SCARF2: variants seen among roughly 807,000 people sequenced by gnomAD.
The protein encoded by SCARF2 is scavenger receptor class F member 2.
In SCARF2, 39 loss-of-function variants were observed where a neutral mutation model predicts 73.4. That is an observed-to-expected ratio of 0.53 (90% CI 0.41 to 0.69). SCARF2 has a LOEUF of 0.69. Among genes scored for constraint, SCARF2 ranks in the 30% least tolerant of loss-of-function variants. The pLI, the probability that SCARF2 is intolerant of heterozygous loss-of-function variation, is 0.00. For synonymous variants in SCARF2, 605 were observed against 590.0 expected (o/e 1.03, Z -0.37); for missense variants, 1,148 against 1,303.5 (o/e 0.88, Z 1.84).
chr22:20,430,290 A>G (rs1296483333), intron 6 of SCARF2, 139 bp downstream of exon 6: 2 of 1,071,914 alleles, frequency 1.9e-6, no homozygotes, highest in South Asian at 1.6e-5. Context: ...CAAAGAGCCT[A>G]CTGTCACTCC....
chr22:20,432,115 T>C lies in SCARF2; in HGVS notation c.174-127A>G. 5 of 956,896 alleles carry C rather than the reference T, an allele frequency of 5.2e-6. No homozygotes were observed. The South Asian group carries it at 6.9e-5, about 13-fold the overall frequency. 59.3% of individuals were successfully genotyped at this position (956,896 alleles called of 1,614,324 possible). A position where few individuals can be genotyped will look rare whatever the true frequency, so the allele number is the denominator to read the frequency against. On this transcript the variant is annotated intron_variant, in intron 1 of 10. Coordinates refer to ENST00000622235, the MANE Select transcript of SCARF2 (RefSeq NM_182895.5). ...TTGCGCTCCTGTCCTAGGGGGGTGGTTAATGAGGTCCTGCCAGGCAGTCGT... is the reference window on the plus strand; with the variant it reads ...TTGCGCTCCTGTCCTAGGGGGGTGGCTAATGAGGTCCTGCCAGGCAGTCGT...
chr22:20,425,524 C>T lies in SCARF2; in HGVS notation c.2452G>A (p.Ala818Thr). 7.4e-7 allele frequency: 1 copy of T among 1,348,642 alleles called. No homozygotes were observed. The highest frequency in any genetic ancestry group is 1.9e-5 in the South Asian group (1 of 53,660). The allele number at this position is 1,348,642 out of a possible 1,614,324, so 83.5% of individuals were successfully genotyped here. Reference sequence around the variant, plus strand: ...TTCTCAGGCCCCGGGGTTTCGGTCGCTGGGGGCGCGCGGGCGGGCGAGGCT... The same window carrying T: ...TTCTCAGGCCCCGGGGTTTCGGTCGTTGGGGGCGCGCGGGCGGGCGAGGCT... Reference protein sequence around the residue: ...PPASPARAPPATETPGPEKAA... With the variant: ...PPASPARAPPTTETPGPEKAA... The change falls in exon 11 of 11, where the codon GCG becomes ACG. Residue 818 changes from alanine to threonine, a missense_variant. Physicochemically the swap from Ala to Thr is moderately conservative, Grantham distance 58. Around this residue, in one of 5 missense-constraint regions of SCARF2, gnomAD observed 169 missense variants for 136.9 expected, o/e 1.23. Transcript: ENST00000622235. This position sits in a 1 kb window ranked among gnomAD's most constrained non-coding sequence, Gnocchi z 4.6.
chr22:20,427,583 C>T, intron 9 of SCARF2, 33 bp from the exon 10 acceptor site: 1 of 1,609,412 alleles, frequency 6.2e-7, no homozygotes, highest in South Asian at 1.1e-5. Context: ...TGCCAGGGGT[C>T]CACTCTGCCC....
intron 10 of SCARF2, 68 bp downstream of exon 10, chr22:20,427,330 C>G (rs773459416): frequency 1.3e-6 from 2 of 1,584,832 alleles, no homozygotes; most frequent in Non-Finnish European, 1.7e-6. Flanking sequence ...GTGTCCCACC[C>G]AGAACACAGC....
In SCARF2 at chr22:20,433,247, G is replaced by A. The variant is rs576427393; in HGVS notation, c.174-1259C>T. Reference sequence around the variant, plus strand: ...AGGGGCAGAGGAGGCTGAGAAGGAAGAGCCACCAAGGCTGCGGGATCCTAG... The same window carrying A: ...AGGGGCAGAGGAGGCTGAGAAGGAAAAGCCACCAAGGCTGCGGGATCCTAG... On this transcript the variant is annotated intron_variant, in intron 1 of 10. Coordinates refer to ENST00000622235, the MANE Select transcript of SCARF2 (RefSeq NM_182895.5). Among the ~76,000 whole-genome samples the A allele has an allele frequency of 1.2e-4, 18 of 152,318 alleles. No individual in the cohort carries two copies. In the South Asian group the frequency reaches 3.7e-3, roughly 32 times the overall value.
rs2146117992 is a variant in SCARF2, at chr22:20,425,344, A to G, written c.*31T>C. 7.4e-7 allele frequency: 1 copy of G among 1,360,452 alleles called. No homozygotes were observed. The highest frequency in any genetic ancestry group is 9.5e-7 in the Non-Finnish European group (1 of 1,049,964). 84.3% of individuals were successfully genotyped at this position (1,360,452 alleles called of 1,614,324 possible). ...GGTGGCGGGCGGCGCTGCGAAGCTG[A>G]GGGAGCTGCGCGCGGACGAGCCACA... On this transcript the variant is annotated 3_prime_UTR_variant, in exon 11 of 11. Coordinates refer to ENST00000622235, the MANE Select transcript of SCARF2 (RefSeq NM_182895.5). The surrounding 1 kb of genome is among the most constrained non-coding windows in gnomAD (Gnocchi z 4.6).
At chr22:20,427,660 C>A in intron 9 of SCARF2, 110 bp from the exon 10 acceptor site, 1 of 1,318,042 alleles carries the variant, frequency 7.6e-7, no homozygotes. Context: ...CAGCCCTATT[C>A]TTGGACTGCA....
At chr22:20,434,149 C>T (rs12483784) in intron 1 of SCARF2, among the ~76,000 whole-genome samples, 5 of 152,074 alleles carry the variant, frequency 3.3e-5, no homozygotes, top group African/African-American at 7.2e-5. Flanking sequence ...GTTTTTTTGC[C>T]GGGCGTGCTG....
chr22:20,425,592 T>TC lies in SCARF2; in HGVS notation c.2383dup (p.Glu795GlyfsTer31). On this transcript the variant is annotated frameshift_variant, in exon 11 of 11. Transcript: ENST00000622235. LOFTEE classifies it high-confidence loss of function. This position sits in a 1 kb window ranked among gnomAD's most constrained non-coding sequence, Gnocchi z 4.6. Reference sequence around the variant, plus strand: ...GGCTTTCTGTGGGGGCGCCGGCTTTTCCCTGGGGCCCTGCGCGCCCAGGGC... The same window carrying TC: ...GGCTTTCTGTGGGGGCGCCGGCTTTTCCCCTGGGGCCCTGCGCGCCCAGGGC... 7.5e-7 allele frequency: 1 copy of TC among 1,338,874 alleles called. No homozygotes were observed. Among genetic ancestry groups the TC allele is most frequent in the Non-Finnish European group, 9.5e-7 (1 of 1,048,706 alleles). 82.9% of individuals were successfully genotyped at this position (1,338,874 alleles called of 1,614,324 possible).
In SCARF2 at chr22:20,437,583, C is replaced by T. The variant is rs530805261; in HGVS notation, c.172G>A (p.Gly58Ser). The T allele has an allele frequency of 6.5e-5, 103 of 1,574,126 alleles. No homozygotes were observed. The African/African-American group carries it at 1.3e-3, about 20-fold the overall frequency. ...PRGRNVCRAPGSQVPTCCAGW... is the reference protein window; with the variant it reads ...PRGRNVCRAPSSQVPTCCAGW... ...TCCCCCAGCCAGGCCGGCTCCTACC[C>T]GGGAGCACGGCACACGTTGCGGCCG... Residue 58 changes from glycine (G) to serine (S), a missense_variant and splice_region_variant, in exon 1 of 11, where the codon GGC becomes AGC. Around this residue, in one of 5 missense-constraint regions of SCARF2, gnomAD observed 124 missense variants for 120.4 expected, o/e 1.03. Transcript: ENST00000622235.
Position 20,431,512 on chromosome 22 carries a change from G to C in SCARF2, c.360C>G (p.Pro120=), listed in dbSNP as rs778478280. Residue 120 remains proline, a synonymous_variant, in exon 4 of 11, where the codon CCC becomes CCG. Coordinates refer to ENST00000622235, the MANE Select transcript of SCARF2 (RefSeq NM_182895.5). ...GGCAGCTACACAGCTCCTTGCAGTC[G>C]GGGCCCCAGAACTGGCGCGGGCACT... ...DTKCPRQFWG[P]DCKELCSCHP... The C allele has an allele frequency of 7.0e-6, 11 of 1,577,374 alleles. No individual in the cohort carries two copies. The highest frequency in any genetic ancestry group is 6.9e-5 in the East Asian group (3 of 43,266).
At chr22:20,431,664 G>A (rs1178524473) in intron 3 of SCARF2, 81 bp downstream of exon 3, 8 of 1,530,408 alleles carry the variant, frequency 5.2e-6, no homozygotes, top group Middle Eastern at 2.3e-4. Flanking sequence ...AGGCGGATCC[G>A]ACCCCGCCCC....
chr22:20,436,418 C>G (rs1351243065), intron 1 of SCARF2, among the ~76,000 whole-genome samples: 1 of 152,074 alleles, frequency 6.6e-6, no homozygotes, highest in Non-Finnish European at 1.5e-5. Context: ...TTCCTGGGGC[C>G]GGGGAGGCCC....
chr22:20,427,977 GC>G, intron 9 of SCARF2, among the ~76,000 whole-genome samples: 1 of 152,164 alleles, frequency 6.6e-6, no homozygotes, highest in East Asian at 1.9e-4. Flanking sequence ...TGGCAGGGCT[GC>G]CCTTTGGCTC....
intron 1 of SCARF2, among the ~76,000 whole-genome samples, chr22:20,432,265 G>A (rs893603102): frequency 2.6e-5 from 4 of 152,156 alleles, no homozygotes; most frequent in Admixed American, 2.6e-4. Flanking sequence ...TGAGAAAAGT[G>A]GCCTTGGAGT....
Position 20,426,106 on chromosome 22 carries a change from C to A in SCARF2, c.1870G>T (p.Ala624Ser). ...SVEGPGGALYARVARREARPA... is the reference protein window; with the variant it reads ...SVEGPGGALYSRVARREARPA... The stretch of plus-strand genomic sequence containing the variant: ...CGGGCCTCGCGTCGGGCCACGCGCG[C>A]GTACAGAGCCCCTCCGGGCCCCTCC... The change falls in exon 11 of 11, where the codon GCG becomes TCG. Residue 624 changes from alanine (A) to serine (S), a missense_variant. Ala to Ser is a moderately conservative substitution (Grantham distance 99, BLOSUM62 1). Transcript: ENST00000622235. 6.7e-7 allele frequency: 1 copy of A among 1,482,784 alleles called. No homozygotes were observed. The allele number at this position is 1,482,784 out of a possible 1,614,324, so 91.9% of individuals were successfully genotyped here. A position where few individuals can be genotyped will look rare whatever the true frequency, so the allele number is the denominator to read the frequency against.
chr22:20,427,130 A>G (rs1601295429), intron 10 of SCARF2, among the ~76,000 whole-genome samples: 1 of 152,152 alleles, frequency 6.6e-6, no homozygotes, highest in East Asian at 1.9e-4. Context: ...GCCACCCCCT[A>G]CCTAAGCCCA....
At chr22:20,434,757 G>C (rs1253765196) in intron 1 of SCARF2, among the ~76,000 whole-genome samples, 1 of 152,192 alleles carries the variant, frequency 6.6e-6, no homozygotes, top group Non-Finnish European at 1.5e-5. Context: ...TAGAGCATTA[G>C]TTCTGTGATT....
At chr22:20,428,048 G>A (rs1303043455) in intron 9 of SCARF2, among the ~76,000 whole-genome samples, 1 of 152,116 alleles carries the variant, frequency 6.6e-6, no homozygotes, top group African/African-American at 2.4e-5. Flanking sequence ...CCCCACAACA[G>A]GGGGCCCCAG....
Sources: gnomAD v4.1 joint callset for allele counts (sites outside exome capture counted in the v4.1 genomes callset) on GRCh38, gnomAD v4.1.1 for gene constraint, gnomAD v4.1.1 regional missense constraint, Gnocchi (gnomAD v3.1) non-coding constraint, MANE v1.5 for transcripts, NCBI Gene and HGNC (gene_info 2026-07-23, HGNC 2026-07-21) for gene names.